Variants in OPRK1 observed in about 807,000 individuals in gnomAD.
OPRK1 encodes the protein opioid receptor kappa 1.
Under a neutral mutation model 24.5 loss-of-function variants are expected in OPRK1, and 15 were observed. That is an observed-to-expected ratio of 0.61 (90% CI 0.41 to 0.94). The LOEUF (loss-of-function observed/expected upper bound fraction) is 0.94, where lower values mean the gene tolerates loss of function less well. Among genes scored for constraint, OPRK1 ranks in the 40% least tolerant of loss-of-function variants. OPRK1 has a pLI of 0.00. For missense variants in OPRK1, 479 were observed against 507.3 expected (o/e 0.94, Z 0.54); for synonymous variants, 205 against 198.0 (o/e 1.04, Z -0.30).
intron 2 of OPRK1, chr8:53,238,521 G>C: frequency 2.0e-6 from 2 of 985,414 alleles, no homozygotes; most frequent in Non-Finnish European, 2.4e-6. Flanking sequence ...GGCTTACCTG[G>C]GGAACTTGAG....
At position 53,225,842 on chromosome 8, in the gene OPRK1, A is replaced by T. The variant is rs1343421456; in HGVS notation, c.*3455T>A. The T allele has an allele frequency of 6.6e-6, 1 of 152,656 alleles. No individual in the cohort carries two copies. Among genetic ancestry groups the T allele is most frequent in the Admixed American group, 6.5e-5 (1 of 15,290 alleles). The allele number at this position is 152,656 out of a possible 1,614,324, so 9.5% of individuals were successfully genotyped here. On this transcript the variant is annotated 3_prime_UTR_variant, in exon 4 of 4. Coordinates refer to ENST00000265572, the MANE Select transcript of OPRK1 (RefSeq NM_000912.5). Reference sequence around the variant, plus strand: ...TCATATACATTATAGTAAAGAACATATGAGTATATTCTTGTTTCAGAGAAG... The same window carrying T: ...TCATATACATTATAGTAAAGAACATTTGAGTATATTCTTGTTTCAGAGAAG...
intron 2 of OPRK1, among the ~76,000 whole-genome samples, chr8:53,246,683 G>A (rs1287115636): frequency 6.6e-6 from 1 of 152,168 alleles, no homozygotes; most frequent in Non-Finnish European, 1.5e-5. Flanking sequence ...AAAACAGAAT[G>A]CAGGGAGGAT....
chr8:53,251,269 G>A, intron 1 of OPRK1, 179 bp downstream of exon 1: 1 of 612,852 alleles, frequency 1.6e-6, no homozygotes, highest in Non-Finnish European at 2.6e-6. Flanking sequence ...GTGCCAGAGA[G>A]GGGCGAAGAG....
intron 2 of OPRK1, among the ~76,000 whole-genome samples, chr8:53,247,990 C>CAAAAAAAAAA (rs767911838): frequency 3.1e-5 from 1 of 32,364 alleles, no homozygotes; most frequent in Non-Finnish European, 5.7e-5. Flanking sequence ...GATTCTGTCT[C>CAAAAAAAAAA]AAAAAAAAAA....
intron 3 of OPRK1, among the ~76,000 whole-genome samples, chr8:53,230,878 A>G (rs1806835160): frequency 6.6e-6 from 1 of 152,228 alleles, no homozygotes; most frequent in Admixed American, 6.5e-5. Context: ...TTTTTCTGAC[A>G]CTGGAAAAAT....
At chr8:53,244,567 G>C (rs1403181491) in intron 2 of OPRK1, among the ~76,000 whole-genome samples, 4 of 152,166 alleles carry the variant, frequency 2.6e-5, no homozygotes, top group African/African-American at 7.2e-5. Context: ...TATTGTGATA[G>C]CAACAAATTA....
intron 3 of OPRK1, among the ~76,000 whole-genome samples, chr8:53,232,684 T>A (rs558813654): frequency 6.6e-6 from 1 of 152,330 alleles, no homozygotes; most frequent in Non-Finnish European, 1.5e-5. Context: ...CTTTATATAT[T>A]AATATCAGAG....
chr8:53,229,329 T>G lies in OPRK1; in HGVS notation c.1111A>C (p.Arg371=). 6.2e-7 allele frequency: 1 copy of G among 1,614,114 alleles called. No individual in the cohort carries two copies. Among genetic ancestry groups the G allele is most frequent in the East Asian group, 2.2e-5 (1 of 44,884 alleles). ...GGTTTATTCATCCCATCGATGTCCCTCAGGTAAGCAGGATCCTGAACTGTA... is the reference window on the plus strand; with the variant it reads ...GGTTTATTCATCCCATCGATGTCCCGCAGGTAAGCAGGATCCTGAACTGTA... ...RNTVQDPAYL[R]DIDGMNKPV The change falls in exon 4 of 4, where the codon AGG becomes CGG. Residue 371 remains arginine (R), a synonymous_variant. Coordinates refer to ENST00000265572, the MANE Select transcript of OPRK1 (RefSeq NM_000912.5).
At chr8:53,247,867 C>T (rs1459861356) in intron 2 of OPRK1, among the ~76,000 whole-genome samples, 3 of 151,642 alleles carry the variant, frequency 2.0e-5, no homozygotes, top group Non-Finnish European at 4.4e-5. Context: ...GGTGCATCCC[C>T]ATAATCCTTG....
At chr8:53,233,966 GGC>G (rs1806918037) in intron 3 of OPRK1, among the ~76,000 whole-genome samples, 1 of 152,034 alleles carries the variant, frequency 6.6e-6, no homozygotes, top group Non-Finnish European at 1.5e-5. Flanking sequence ...GGGAGGCCGA[GGC>G]GGGCAGATCA....
chr8:53,239,139 G>A (rs1329296004), intron 2 of OPRK1, among the ~76,000 whole-genome samples: 3 of 152,060 alleles, frequency 2.0e-5, no homozygotes, highest in Non-Finnish European at 2.9e-5. Flanking sequence ...CTATGGTGAC[G>A]CATGCACCCT....
chr8:53,228,351 G>T lies in OPRK1; in HGVS notation c.*946C>A, dbSNP rs202050518. ...ACATGAGTTGTGAGCACTGTTACGG[G>T]ACTAAATGGTATTCAGGGAGTCTGA... On this transcript the variant is annotated 3_prime_UTR_variant, in exon 4 of 4. Coordinates refer to ENST00000265572, the MANE Select transcript of OPRK1 (RefSeq NM_000912.5). 6.6e-6 allele frequency: 1 copy of T among 152,192 alleles called. No individual in the cohort carries two copies. Among genetic ancestry groups the T allele is most frequent in the African/African-American group, 2.4e-5 (1 of 41,446 alleles). The allele number at this position is 152,192 out of a possible 1,614,324, so 9.4% of individuals were successfully genotyped here. A position where few individuals can be genotyped will look rare whatever the true frequency, so the allele number is the denominator to read the frequency against.
chr8:53,231,939 G>A (rs1806863787), intron 3 of OPRK1, among the ~76,000 whole-genome samples: 1 of 152,142 alleles, frequency 6.6e-6, no homozygotes, highest in Non-Finnish European at 1.5e-5. Context: ...GAGATGGTAA[G>A]TATTAGATGA....
chr8:53,226,076 AG>A lies in OPRK1; in HGVS notation c.*3220del, dbSNP rs1806676458. ...AGTCATCGTATTTCATCCCAGGACTAGATGAAACACCTATAAATTGTCTGAC... is the reference window on the plus strand; with the variant it reads ...AGTCATCGTATTTCATCCCAGGACTAATGAAACACCTATAAATTGTCTGAC... On this transcript the variant is annotated 3_prime_UTR_variant, in exon 4 of 4. Coordinates refer to ENST00000265572, the MANE Select transcript of OPRK1 (RefSeq NM_000912.5). The A allele has an allele frequency of 6.6e-6, 1 of 152,206 alleles. No homozygotes were observed. The highest frequency in any genetic ancestry group is 2.4e-5 in the African/African-American group (1 of 41,454). 9.4% of individuals were successfully genotyped at this position (152,206 alleles called of 1,614,324 possible). A position where few individuals can be genotyped will look rare whatever the true frequency, so the allele number is the denominator to read the frequency against.
intron 2 of OPRK1, among the ~76,000 whole-genome samples, chr8:53,242,206 C>T (rs529452556): frequency 9.8e-5 from 15 of 152,296 alleles, no homozygotes; most frequent in Middle Eastern, 3.4e-3. Context: ...GGCCCTCTTG[C>T]GCTGCCCTCT....
chr8:53,232,351 A>G (rs1412764363), intron 3 of OPRK1, among the ~76,000 whole-genome samples: 1 of 152,212 alleles, frequency 6.6e-6, no homozygotes, highest in African/African-American at 2.4e-5. Context: ...ACAGTTAACA[A>G]TAATTTATTA....
chr8:53,235,485 T>C (rs1806968566), intron 2 of OPRK1, among the ~76,000 whole-genome samples: 2 of 151,838 alleles, frequency 1.3e-5, no homozygotes, highest in Admixed American at 1.3e-4. Context: ...AAACACTATA[T>C]TCATTCTCTT....
At chr8:53,251,328 T>C in intron 1 of OPRK1, 120 bp downstream of exon 1, 3 of 465,198 alleles carry the variant, frequency 6.4e-6, no homozygotes, top group South Asian at 3.1e-5. Context: ...TCACCAATTC[T>C]AGGCACCGGC....
intron 3 of OPRK1, among the ~76,000 whole-genome samples, chr8:53,233,527 T>C (rs1056059882): frequency 4.2e-4 from 64 of 152,336 alleles, no homozygotes; most frequent in African/African-American, 1.3e-3. Flanking sequence ...CTCAGTTATC[T>C]GCTCTCACAG....
Sources: allele counts gnomAD v4.1 joint callset (sites outside exome capture counted in the v4.1 genomes callset), GRCh38; gene constraint gnomAD v4.1.1; transcripts MANE v1.5; gene names NCBI Gene and HGNC (gene_info 2026-07-23, HGNC 2026-07-21).